The following SUMF1 variants were observed in gnomAD, a reference collection of about 807,000 sequenced individuals.
SUMF1 encodes sulfatase modifying factor 1.
Under a neutral mutation model 47.6 loss-of-function variants are expected in SUMF1, and 48 were observed. The observed-to-expected ratio is 1.01, with a 90% CI of 0.80 to 1.28. The LOEUF (loss-of-function observed/expected upper bound fraction) is 1.28, where lower values mean the gene tolerates loss of function less well. Ranked by LOEUF, SUMF1 falls within the 50% of genes most tolerant of loss-of-function variation. The pLI is 0.00. For missense variants in SUMF1, 571 were observed against 485.4 expected (o/e 1.18, Z -1.66); for synonymous variants, 230 against 192.1 (o/e 1.20, Z -1.63).
chr3:4,456,762 GTATA>G (rs1196804308), intron 1 of SUMF1, among the ~76,000 whole-genome samples: 1 of 93,022 alleles, frequency 1.1e-5, no homozygotes, highest in Non-Finnish European at 2.3e-5. Context: ...ACGTGTGTGT[GTATA>G]TATACACATA....
chr3:4,058,732 T>C (rs1425108456), intron 9 of SUMF1, among the ~76,000 whole-genome samples: 1 of 152,164 alleles, frequency 6.6e-6, no homozygotes, highest in East Asian at 1.9e-4. Flanking sequence ...CAGGCTTGGT[T>C]CCTCAAAAGA....
chr3:4,247,222 C>A (rs1038187420), intron 8 of SUMF1, among the ~76,000 whole-genome samples: 1 of 152,284 alleles, frequency 6.6e-6, no homozygotes, highest in South Asian at 2.1e-4. Context: ...ATTCACTATG[C>A]AACTTCCATT....
chr3:4,211,121 T>TATATATATATATATATATATAC (rs150373609), intron 8 of SUMF1, among the ~76,000 whole-genome samples: 38 of 128,302 alleles, frequency 3.0e-4, no homozygotes, highest in African/African-American at 8.1e-4. Context: ...TATATATATA[T>TATATATATATATATATATATAC]ACACACACAC....
chr3:4,326,707 G>T (rs1330302867), intron 8 of SUMF1, among the ~76,000 whole-genome samples: 2 of 151,926 alleles, frequency 1.3e-5, no homozygotes, highest in Non-Finnish European at 2.9e-5. Context: ...TTTTAGTAGA[G>T]ATGTGGTTTT....
intron 3 of SUMF1, among the ~76,000 whole-genome samples, chr3:4,427,829 A>C (rs1559293525): frequency 6.6e-6 from 1 of 152,186 alleles, no homozygotes. Context: ...CACTATTGAG[A>C]ATGTGCAAAA....
chr3:4,454,293 G>T (rs1248010237), intron 1 of SUMF1, among the ~76,000 whole-genome samples: 1 of 152,180 alleles, frequency 6.6e-6, no homozygotes, highest in Non-Finnish European at 1.5e-5. Context: ...CAGGATCTGA[G>T]GATGACACTG....
chr3:4,303,390 A>T, intron 8 of SUMF1: 1 of 1,559,080 alleles, frequency 6.4e-7, no homozygotes. Flanking sequence ...GAAGCGGCAA[A>T]GACGACACGG....
At chr3:4,043,863 T>A (rs1398435808) in intron 9 of SUMF1, among the ~76,000 whole-genome samples, 3 of 152,108 alleles carry the variant, frequency 2.0e-5, no homozygotes, top group African/African-American at 7.2e-5. Context: ...GTTAAAAAAT[T>A]GACTACCCTA....
At chr3:4,224,326 C>T (rs918287934) in intron 8 of SUMF1, among the ~76,000 whole-genome samples, 13 of 152,040 alleles carry the variant, frequency 8.6e-5, no homozygotes, top group African/African-American at 3.1e-4. Context: ...TGGGATGCTC[C>T]GTGACAAGGT....
intron 1 of SUMF1, among the ~76,000 whole-genome samples, chr3:4,455,186 T>G (rs1703114140): frequency 6.6e-6 from 1 of 152,178 alleles, no homozygotes; most frequent in South Asian, 2.1e-4. Context: ...GTGAGCCAAT[T>G]AATAGACTCC....
At chr3:4,127,921 C>T (rs1275370066) in intron 8 of SUMF1, among the ~76,000 whole-genome samples, 1 of 152,018 alleles carries the variant, frequency 6.6e-6, no homozygotes, top group Non-Finnish European at 1.5e-5. Flanking sequence ...GAGACTTACA[C>T]AAAATAAATG....
chr3:4,379,155 C>T (rs1700420237), intron 7 of SUMF1, among the ~76,000 whole-genome samples: 2 of 152,138 alleles, frequency 1.3e-5, no homozygotes, highest in Admixed American at 6.5e-5. Flanking sequence ...TGCCACTTTG[C>T]CAAAAAACAG....
At chr3:4,306,747 CA>C (rs1211533313) in intron 8 of SUMF1, among the ~76,000 whole-genome samples, 1 of 152,236 alleles carries the variant, frequency 6.6e-6, no homozygotes, top group Non-Finnish European at 1.5e-5. Flanking sequence ...CCTTCACAGG[CA>C]TATGCACACA....
chr3:4,423,532 G>A (rs1177479301), intron 3 of SUMF1, among the ~76,000 whole-genome samples: 2 of 152,066 alleles, frequency 1.3e-5, no homozygotes, highest in African/African-American at 4.8e-5. Context: ...ATTGAGCACC[G>A]ACTGTATGGC....
intron 8 of SUMF1, among the ~76,000 whole-genome samples, chr3:4,074,623 T>A (rs952852332): frequency 1.3e-5 from 2 of 150,514 alleles, no homozygotes; most frequent in Non-Finnish European, 3.0e-5. Flanking sequence ...AAGAGAAGAA[T>A]CAAATAGACC....
intron 8 of SUMF1, chr3:4,313,686 T>G (rs770380662): frequency 6.2e-7 from 1 of 1,614,046 alleles, no homozygotes; most frequent in Admixed American, 1.7e-5. Flanking sequence ...ACATCAGTTG[T>G]GGAAATGAGA....
In SUMF1 at chr3:4,303,442, G is replaced by A. The variant is rs1698032323; in HGVS notation, c.1014+72888C>T. ...AGTTTAAGGAGAAGCCTGAGGCCCC[G>A]ACTGAGCAGCTGGATGTCGCGTGCG... On this transcript the variant is annotated intron_variant and NMD_transcript_variant, in intron 8 of 12. Coordinates refer to the SUMF1 transcript ENST00000448413. 7 of 1,550,962 alleles carry A rather than the reference G, an allele frequency of 4.5e-6. No homozygotes were observed. The South Asian group carries it at 4.9e-5, about 11-fold the overall frequency.
chr3:4,207,841 G>A (rs1205707297), intron 8 of SUMF1, among the ~76,000 whole-genome samples: 1 of 152,124 alleles, frequency 6.6e-6, no homozygotes, highest in Non-Finnish European at 1.5e-5. Context: ...GAAATTCTGT[G>A]CAGAACCAGT....
intron 3 of SUMF1, among the ~76,000 whole-genome samples, chr3:4,429,816 G>A (rs698208): frequency 0.91 from 137,819 of 152,162 alleles, 63,851 homozygotes; most frequent in Non-Finnish European, 1. Flanking sequence ...TGAACATTCT[G>A]CAGAGCTAAT....
Sources: gnomAD v4.1 joint callset for allele counts (sites outside exome capture counted in the v4.1 genomes callset) on GRCh38, gnomAD v4.1.1 for gene constraint, MANE v1.5 for transcripts, NCBI Gene and HGNC (gene_info 2026-07-23, HGNC 2026-07-21) for gene names.